Variants in TNRC6B observed in about 807,000 individuals in gnomAD.
The protein encoded by TNRC6B is trinucleotide repeat-containing gene 6B protein.
In TNRC6B, 52 loss-of-function variants were observed where a neutral mutation model predicts 203.6. That is an observed-to-expected ratio of 0.26 (90% confidence interval 0.20 to 0.32). The LOEUF (loss-of-function observed/expected upper bound fraction) is 0.32, where lower values mean the gene tolerates loss of function less well. Ranked by LOEUF, TNRC6B falls within the 10% of genes least tolerant of loss-of-function variation. The pLI, the probability that TNRC6B is intolerant of heterozygous loss-of-function variation, is 1.00. For missense variants in TNRC6B, 1,923 were observed against 2,286.2 expected, an observed-to-expected ratio of 0.84 and a Z score of 3.24; for synonymous variants, 838 against 845.7, an observed-to-expected ratio of 0.99 and a Z score of 0.16.
intron 1 of TNRC6B, among the ~76,000 whole-genome samples, chr22:40,182,177 G>A (rs1459271705): frequency 5.3e-5 from 8 of 151,936 alleles, no homozygotes; most frequent in African/African-American, 1.5e-4. Flanking sequence ...CCCAGGAGTC[G>A]GAGGTTGCAG....
chr22:40,174,683 A>G (rs2069038277), upstream of TNRC6B, among the ~76,000 whole-genome samples: 2 of 152,050 alleles, frequency 1.3e-5, no homozygotes, highest in South Asian at 4.1e-4. Context: ...AAATTAGCCG[A>G]GCGTGGTGGC....
At chr22:40,283,329 T>C (rs557233358) in intron 11 of TNRC6B, among the ~76,000 whole-genome samples, 2 of 152,302 alleles carry the variant, frequency 1.3e-5, no homozygotes, top group East Asian at 1.9e-4. Context: ...TGAGCCACCG[T>C]GCCCAGCCTT....
chr22:40,149,615 A>G (rs1428499276), intron 3 of TNRC6B, among the ~76,000 whole-genome samples: 1 of 146,328 alleles, frequency 6.8e-6, no homozygotes, highest in African/African-American at 2.6e-5. Context: ...GGTTGCAGTG[A>G]GCCGAGATCG....
intron 4 of TNRC6B, among the ~76,000 whole-genome samples, chr22:40,167,085 C>T (rs997022411): frequency 5.3e-5 from 8 of 152,058 alleles, no homozygotes; most frequent in African/African-American, 1.7e-4. Flanking sequence ...GATAGAGTGC[C>T]GCATATTTCA....
chr22:40,276,883 TA>T, intron 7 of TNRC6B, 193 bp from the exon 8 acceptor site: 1 of 394,780 alleles, frequency 2.5e-6, no homozygotes, highest in South Asian at 1.1e-4. Flanking sequence ...GTGAATTTTA[TA>T]AAAATGAAAA....
At chr22:40,205,404 T>A (rs950644454) in intron 1 of TNRC6B, among the ~76,000 whole-genome samples, 1 of 152,192 alleles carries the variant, frequency 6.6e-6, no homozygotes, top group African/African-American at 2.4e-5. Flanking sequence ...ATATGCTGAT[T>A]CTGTGGCTTA....
intron 1 of TNRC6B, among the ~76,000 whole-genome samples, chr22:40,108,844 C>T (rs951628018): frequency 1.3e-5 from 2 of 152,114 alleles, no homozygotes; most frequent in African/African-American, 2.4e-5. Context: ...TAAACATGTG[C>T]CATGGTGGTT....
At chr22:40,191,917 A>C (rs1569014675) in intron 1 of TNRC6B, among the ~76,000 whole-genome samples, 3 of 152,124 alleles carry the variant, frequency 2.0e-5, no homozygotes, top group African/African-American at 7.2e-5. Flanking sequence ...TGCCCAGCTA[A>C]TTTTTGTATT....
intron 1 of TNRC6B, among the ~76,000 whole-genome samples, chr22:40,107,932 CAT>C (rs1343110370): frequency 2.0e-5 from 3 of 150,408 alleles, no homozygotes; most frequent in Non-Finnish European, 4.4e-5. Flanking sequence ...AGATCCATGA[CAT>C]ATGATGCTCC....
At chr22:40,201,399 T>G (rs1337620453) in intron 1 of TNRC6B, among the ~76,000 whole-genome samples, 1 of 151,934 alleles carries the variant, frequency 6.6e-6, no homozygotes, top group Non-Finnish European at 1.5e-5. Context: ...CTAAAGTTGT[T>G]TTTATGTGGT....
chr22:40,050,961 A>G (rs2067739465), intron 1 of TNRC6B, among the ~76,000 whole-genome samples: 1 of 151,708 alleles, frequency 6.6e-6, no homozygotes. Context: ...AGTAGCTAGG[A>G]CTACAGGTGC....
chr22:40,087,868 G>A (rs368795718), intron 1 of TNRC6B, among the ~76,000 whole-genome samples: 68 of 152,254 alleles, frequency 4.5e-4, no homozygotes, highest in African/African-American at 1.6e-3. Context: ...CTCCATCTCC[G>A]TTACAGATGT....
chr22:40,237,496 A>G (rs1483718142), intron 1 of TNRC6B, among the ~76,000 whole-genome samples: 3 of 152,178 alleles, frequency 2.0e-5, no homozygotes, highest in Non-Finnish European at 4.4e-5. Flanking sequence ...CGGAAGGGAA[A>G]CTTGCAGCCA....
At chr22:40,152,062 AAAG>A (rs2068762707) in intron 3 of TNRC6B, among the ~76,000 whole-genome samples, 1 of 152,196 alleles carries the variant, frequency 6.6e-6, no homozygotes, top group Admixed American at 6.5e-5. Flanking sequence ...ATAAATAAAA[AAAG>A]AACCTTGCTT....
intron 1 of TNRC6B, among the ~76,000 whole-genome samples, chr22:40,112,013 A>G (rs2068340025): frequency 6.6e-6 from 1 of 152,178 alleles, no homozygotes; most frequent in Admixed American, 6.5e-5. Flanking sequence ...AGGCAGGAGA[A>G]TTGCTTGAAC....
intron 4 of TNRC6B, among the ~76,000 whole-genome samples, chr22:40,166,559 T>G (rs1278942487): frequency 1.3e-5 from 2 of 152,138 alleles, no homozygotes; most frequent in Non-Finnish European, 2.9e-5. Context: ...GTTATTAAGT[T>G]CCTTTCTGCC....
intron 2 of TNRC6B, among the ~76,000 whole-genome samples, chr22:40,124,315 T>C (rs975993703): frequency 4.6e-5 from 7 of 150,984 alleles, no homozygotes; most frequent in Admixed American, 2.0e-4. Flanking sequence ...ACCAGCATCT[T>C]TTTACCTTTT....
chr22:40,310,365 A>G (rs1200870875), intron 16 of TNRC6B, among the ~76,000 whole-genome samples: 1 of 152,232 alleles, frequency 6.6e-6, no homozygotes, highest in African/African-American at 2.4e-5. Context: ...TCTAAGCCTG[A>G]TCAGCCAGCC....
intron 4 of TNRC6B, among the ~76,000 whole-genome samples, chr22:40,172,663 T>G (rs765873239): frequency 2.0e-4 from 31 of 152,258 alleles, no homozygotes; most frequent in Admixed American, 2.0e-4. Flanking sequence ...TAAATTCATA[T>G]CAAGAATATG....
Sources: allele counts gnomAD v4.1 joint callset (sites outside exome capture counted in the v4.1 genomes callset), GRCh38; gene constraint gnomAD v4.1.1; transcripts MANE v1.5; gene names NCBI Gene and HGNC (gene_info 2026-07-23, HGNC 2026-07-21).